Variants in TAP1 observed in about 807,000 individuals in gnomAD.
The protein encoded by TAP1 is antigen peptide transporter 1.
In TAP1, 56 loss-of-function variants were observed where a neutral mutation model predicts 79.3. The ratio of observed to expected loss-of-function variants is 0.71; its 90% CI spans 0.57 to 0.88. TAP1 has a LOEUF of 0.88. Ranked by LOEUF, TAP1 falls within the 40% of genes least tolerant of loss-of-function variation. TAP1 has a pLI of 0.00. For synonymous variants in TAP1, 355 were observed against 401.4 expected (o/e 0.88, Z 1.38); for missense variants, 737 against 936.3 (o/e 0.79, Z 2.78).
At position 32,853,513 on chromosome 6, in the gene TAP1, G is replaced by C; in HGVS notation, c.124C>G (p.Arg42Gly). The C allele has an allele frequency of 1.2e-6, 2 of 1,609,480 alleles. No homozygotes were observed. The highest frequency in any genetic ancestry group is 1.7e-6 in the Non-Finnish European group (2 of 1,177,348). The change falls in exon 1 of 11, where the codon CGC (arginine) becomes GGC (glycine). Residue 42 changes from arginine (R) to glycine (G), a missense_variant. Transcript: ENST00000354258. This position sits in a 1 kb window ranked among gnomAD's most constrained non-coding sequence, Gnocchi z 8.3. ...DWVLLRTALP[R>G]IFSLLVPTAL... is the part of the protein sequence containing the mutation. ...GTGGGCACCAGCAGGGAGAATATGC[G>C]GGGCAGCGCGGTCCGGAGCAGCACC...
rs1770769343 is a variant in TAP1 at position 32,851,370 on chromosome 6, A to G, written c.845-221T>C. ...TGACCTTCATTTTAATTATAAAGTC[A>G]TTAATGCACATGTGAATTTCCATTT... On this transcript the variant is annotated intron_variant, in intron 3 of 10. Coordinates refer to ENST00000354258, the MANE Select transcript of TAP1 (RefSeq NM_000593.6). The surrounding 1 kb of genome is among the most constrained non-coding windows in gnomAD (Gnocchi z 4.8). Among the ~76,000 whole-genome samples the G allele has an allele frequency of 6.6e-6, 1 of 152,204 alleles. No individual in the cohort carries two copies. The highest frequency in any genetic ancestry group is 1.5e-5 in the Non-Finnish European group (1 of 68,032).
At position 32,847,827 on chromosome 6, in the gene TAP1, A is replaced by G; in HGVS notation, c.1740+92T>C. 1 of 1,593,812 alleles carries G rather than the reference A, an allele frequency of 6.3e-7. No individual in the cohort carries two copies. The highest frequency in any genetic ancestry group is 8.6e-7 in the Non-Finnish European group (1 of 1,162,944). ...CCACCATCTCCACCCAAGGTCTCTTATCATTCCCTAACCCCTCTTTCAGAG... is the reference window on the plus strand; with the variant it reads ...CCACCATCTCCACCCAAGGTCTCTTGTCATTCCCTAACCCCTCTTTCAGAG... On this transcript the variant is annotated intron_variant, in intron 8 of 10. Coordinates refer to ENST00000354258, the MANE Select transcript of TAP1 (RefSeq NM_000593.6). This position sits in a 1 kb window ranked among gnomAD's most constrained non-coding sequence, Gnocchi z 4.7.
chr6:32,847,364 G>A lies in TAP1; in HGVS notation c.1903+149C>T, dbSNP rs1770498460. On this transcript the variant is annotated intron_variant, in intron 9 of 10. Coordinates refer to ENST00000354258, the MANE Select transcript of TAP1 (RefSeq NM_000593.6). This position sits in a 1 kb window ranked among gnomAD's most constrained non-coding sequence, Gnocchi z 4.7. ...CTGGGAAGATGAACAGAATCCTGAGGATGTCAGGATGAAGAAGCCATAGGA... is the reference window on the plus strand; with the variant it reads ...CTGGGAAGATGAACAGAATCCTGAGAATGTCAGGATGAAGAAGCCATAGGA... The A allele has an allele frequency of 6.8e-7, 1 of 1,464,078 alleles. No individual in the cohort carries two copies. Among genetic ancestry groups the A allele is most frequent in the South Asian group, 1.2e-5 (1 of 85,930 alleles). The allele number at this position is 1,464,078 out of a possible 1,614,324, so 90.7% of individuals were successfully genotyped here.
rs1176275360 is a variant in TAP1 at position 32,850,008 on chromosome 6, A to C, written c.1248+312T>G. ...CCAGCATGAAGCAGTCCCAGGTGCA[A>C]GAATTTATGGCGCCCTGCACTTCCC... On this transcript the variant is annotated intron_variant, in intron 5 of 10. Transcript: ENST00000354258. The surrounding 1 kb of genome is among the most constrained non-coding windows in gnomAD (Gnocchi z 5.5). The C allele has an allele frequency of 4.1e-6, 2 of 490,034 alleles. No homozygotes were observed. The highest frequency in any genetic ancestry group is 7.5e-6 in the Non-Finnish European group (2 of 268,432). The allele number at this position is 490,034 out of a possible 1,614,324, so 30.4% of individuals were successfully genotyped here.
Position 32,849,037 on chromosome 6 carries a change from G to A in TAP1, c.1330C>T (p.Leu444Phe). 1 of 1,607,490 alleles carries A rather than the reference G, an allele frequency of 6.2e-7. No individual in the cohort carries two copies. Among genetic ancestry groups the A allele is most frequent in the Non-Finnish European group, 8.5e-7 (1 of 1,177,748 alleles). Residue 444 changes from leucine (L) to phenylalanine (F), a missense_variant, in exon 6 of 11, where the codon CTT becomes TTT. By Grantham distance (22) the Leu-to-Phe change is conservative (BLOSUM62 0). Coordinates refer to ENST00000354258, the MANE Select transcript of TAP1 (RefSeq NM_000593.6). ...ATCTGGTAGAGAACAAATGTGACAA[G>A]GTTCCCACTGCTTACAGCCCCACTG... The part of the protein sequence containing the change: ...VTSGAVSSGN[L>F]VTFVLYQMQF...
rs138059790 is a variant in TAP1, at chr6:32,845,767, C to T, written c.2059G>A (p.Glu687Lys). ...GAGCGGGAGTACCGCTCAGGGCTTT[C>T]GTACAGGAGCTGCTCCACCTGAGGA... The part of the protein sequence containing the change: ...SQLQVEQLLY[E>K]SPERYSRSVL... The change falls in exon 11 of 11, where the codon GAA (glutamate) becomes AAA (lysine). Residue 687 changes from glutamate (E) to lysine (K), a missense_variant. Glu to Lys is a moderately conservative substitution (Grantham distance 56). Coordinates refer to ENST00000354258, the MANE Select transcript of TAP1 (RefSeq NM_000593.6). This position sits in a 1 kb window ranked among gnomAD's most constrained non-coding sequence, Gnocchi z 4.5. 5.6e-6 allele frequency: 9 copies of T among 1,612,014 alleles called. No homozygotes were observed. The highest frequency in any genetic ancestry group is 4.5e-5 in the East Asian group (2 of 44,890).
rs9280199 is a variant in TAP1, at chr6:32,849,585, C to CA, written c.1249-468dup. The stretch of plus-strand genomic sequence containing the variant: ...AGAAACCTCGTCTCTACTAAAAATA[C>CA]AAAAAAAAAAAAAAAATTAGCCGGG... On this transcript the variant is annotated intron_variant, in intron 5 of 10. Coordinates refer to ENST00000354258, the MANE Select transcript of TAP1 (RefSeq NM_000593.6). 4.0e-3 allele frequency: 637 copies of CA among 157,800 alleles called. 1 individual carries two copies. The highest frequency in any genetic ancestry group is 8.5e-3 in the South Asian group (67 of 7,856). The allele number at this position is 157,800 out of a possible 1,614,324, so 9.8% of individuals were successfully genotyped here.
intron 5 of TAP1, chr6:32,849,372 G>A: frequency 1.7e-6 from 1 of 583,400 alleles, no homozygotes; most frequent in South Asian, 2.0e-5. Context: ...TTCACAAAAG[G>A]CTTTCATTCA....
chr6:32,851,017 G>T lies in TAP1; in HGVS notation c.977C>A (p.Ser326Tyr), dbSNP rs779346609. The T allele has an allele frequency of 2.0e-5, 33 of 1,612,856 alleles. No individual in the cohort carries two copies. Among genetic ancestry groups the T allele is most frequent in the Non-Finnish European group, 2.8e-5 (33 of 1,180,006 alleles). Residue 326 changes from serine to tyrosine, a missense_variant, in exon 4 of 11, where the codon TCC becomes TAC. By Grantham distance (144) the Ser-to-Tyr change is moderately radical. This residue lies in a region of TAP1 where 406 missense variants were observed against 477.2 expected (regional missense o/e 0.85). Coordinates refer to ENST00000354258, the MANE Select transcript of TAP1 (RefSeq NM_000593.6). This position sits in a 1 kb window ranked among gnomAD's most constrained non-coding sequence, Gnocchi z 4.8. ...LLGIMLWGSV[S>Y]LTMVTLITLP... ...GGTGATCAGGGTGACCATGGTGAGG[G>T]ACACTGATCCCCAGAGCATGATCCC...
In TAP1 at chr6:32,851,953, G is replaced by C. The variant is rs1361741045; in HGVS notation, c.844+156C>G. On this transcript the variant is annotated intron_variant, in intron 3 of 10. Transcript: ENST00000354258. This position sits in a 1 kb window ranked among gnomAD's most constrained non-coding sequence, Gnocchi z 4.8. ...AGAGAGAGAGAGAGAGACAGAGACA[G>C]AGAGAGAGAGACAGGGAGAGGGTAT... Among the ~76,000 whole-genome samples the C allele has an allele frequency of 1.3e-5, 2 of 151,612 alleles. No individual in the cohort carries two copies. The highest frequency in any genetic ancestry group is 2.1e-4 in the South Asian group (1 of 4,748).
chr6:32,849,463 C>T (rs191970632), intron 5 of TAP1: 264 of 378,938 alleles, frequency 7.0e-4, no homozygotes, highest in Admixed American at 2.8e-3. Flanking sequence ...AACAACCAGT[C>T]GGGCGCAGTG....
intron 6 of TAP1, 38 bp from the exon 7 acceptor site, chr6:32,848,878 G>T (rs370099630): frequency 6.2e-7 from 1 of 1,613,142 alleles, no homozygotes; most frequent in Non-Finnish European, 8.5e-7. Flanking sequence ...GAGGTAGTCT[G>T]CTTGCCAGCA....
In TAP1 at chr6:32,852,182, G is replaced by A. The variant is rs146520438; in HGVS notation, c.771C>T (p.His257=). ...GIYNNTMGHV[H]SHLQGEVFGA... ...CAAACACCTCTCCCTGCAAGTGGCT[G>A]TGCACGTGGCCCATGGTGTTGTTAT... Residue 257 remains histidine, a synonymous_variant, in exon 3 of 11, where the codon CAC becomes CAT. Coordinates refer to ENST00000354258, the MANE Select transcript of TAP1 (RefSeq NM_000593.6). The surrounding 1 kb of genome is among the most constrained non-coding windows in gnomAD (Gnocchi z 4.8). 1.9e-6 allele frequency: 3 copies of A among 1,613,034 alleles called. No individual in the cohort carries two copies. Among genetic ancestry groups the A allele is most frequent in the African/African-American group, 2.7e-5 (2 of 75,022 alleles).
chr6:32,847,047 T>C lies in TAP1; in HGVS notation c.2040+21A>G. 1 of 1,611,718 alleles carries C rather than the reference T, an allele frequency of 6.2e-7. No homozygotes were observed. Among genetic ancestry groups the C allele is most frequent in the African/African-American group, 1.3e-5 (1 of 75,032 alleles). On this transcript the variant is annotated intron_variant, in intron 10 of 10. Coordinates refer to ENST00000354258, the MANE Select transcript of TAP1 (RefSeq NM_000593.6). This position sits in a 1 kb window ranked among gnomAD's most constrained non-coding sequence, Gnocchi z 4.7. ...AGCAAGATTGGGTGGGATATAGCCA[T>C]TAAGAAGATGACTGCCTCACCTGTA...
Position 32,846,491 on chromosome 6 carries a change from G to A in TAP1, c.2040+577C>T, listed in dbSNP as rs572738166. The stretch of plus-strand genomic sequence containing the variant: ...AATTTTTTTAAATAAACGATATTAT[G>A]AGGATGGTCTTTTCCTTATGTTTCG... On this transcript the variant is annotated intron_variant, in intron 10 of 10. Transcript: ENST00000354258. The A allele has an allele frequency of 7.1e-4, 119 of 168,382 alleles. 2 individuals carry two copies. The highest frequency in any genetic ancestry group is 2.9e-3 in the South Asian group (23 of 7,878). The allele number at this position is 168,382 out of a possible 1,614,324, so 10.4% of individuals were successfully genotyped here. A position where few individuals can be genotyped will look rare whatever the true frequency, so the allele number is the denominator to read the frequency against.
rs2071539 is a variant in TAP1 at position 32,850,653 on chromosome 6, C to G, written c.1051-136G>C. On this transcript the variant is annotated intron_variant, in intron 4 of 10. Transcript: ENST00000354258. This position sits in a 1 kb window ranked among gnomAD's most constrained non-coding sequence, Gnocchi z 5.5. Reference sequence around the variant, plus strand: ...GAAAAGAGAAAGAGACACAGCTATGCCCCTTGGATGCTAAAGAAATACGAG... The same window carrying G: ...GAAAAGAGAAAGAGACACAGCTATGGCCCTTGGATGCTAAAGAAATACGAG... 29,414 of 821,686 alleles carry G rather than the reference C, an allele frequency of 0.036. 870 individuals carry two copies. The highest frequency in any genetic ancestry group is 0.098 in the East Asian group (3,713 of 37,874). 50.9% of individuals were successfully genotyped at this position (821,686 alleles called of 1,614,324 possible).
chr6:32,848,381 A>G (rs1195545269), intron 7 of TAP1, among the ~76,000 whole-genome samples: 2 of 152,242 alleles, frequency 1.3e-5, no homozygotes, highest in African/African-American at 4.8e-5. Flanking sequence ...GGAAAAGGAA[A>G]GATGGAAGAC....
chr6:32,850,383 T>C lies in TAP1; in HGVS notation c.1185A>G (p.Gln395=). Residue 395 remains glutamine, a synonymous_variant, in exon 5 of 11, where the codon CAA becomes CAG. Coordinates refer to ENST00000354258, the MANE Select transcript of TAP1 (RefSeq NM_000593.6). This position sits in a 1 kb window ranked among gnomAD's most constrained non-coding sequence, Gnocchi z 5.5. ...GEAQKFREKL[Q]EIKTLNQKEA... ...CCTTCTGGTTGAGTGTCTTTATTTC[T>C]TGCAGCTTTTCCCTAAACTTCTGGG... 6.2e-7 allele frequency: 1 copy of C among 1,614,274 alleles called. No homozygotes were observed. Among genetic ancestry groups the C allele is most frequent in the East Asian group, 2.2e-5 (1 of 44,894 alleles).
chr6:32,853,245 A>G lies in TAP1; in HGVS notation c.392T>C (p.Leu131Pro), dbSNP rs142907576. Residue 131 changes from leucine to proline, a missense_variant, in exon 1 of 11, where the codon CTG (leucine) becomes CCG (proline). By Grantham distance (98) the Leu-to-Pro change is moderately conservative (BLOSUM62 -3). Transcript: ENST00000354258. This position sits in a 1 kb window ranked among gnomAD's most constrained non-coding sequence, Gnocchi z 8.3. ...GGCGGTAGGGTGACTTCCCCAGTGC[A>G]GTAGCCTGGTGCTATCCGCGGACCC... Reference protein sequence around the residue: ...APGSADSTRLLHWGSHPTAFV... With the variant: ...APGSADSTRLPHWGSHPTAFV... 1.8e-3 allele frequency: 2,834 copies of G among 1,604,682 alleles called. 4 individuals carry two copies. The highest frequency in any genetic ancestry group is 2.3e-3 in the Non-Finnish European group (2,662 of 1,175,638).
Sources: allele counts gnomAD v4.1 joint callset (sites outside exome capture counted in the v4.1 genomes callset), GRCh38; gene constraint gnomAD v4.1.1; regional missense constraint gnomAD v4.1.1; non-coding constraint Gnocchi (gnomAD v3.1); transcripts MANE v1.5; gene names NCBI Gene and HGNC (gene_info 2026-07-23, HGNC 2026-07-21).